Variants in DSCAM observed in about 807,000 individuals in gnomAD.
The protein encoded by DSCAM is DS cell adhesion molecule, also known as cell adhesion molecule DSCAM.
A neutral mutation model predicts 217.7 loss-of-function variants in DSCAM; 47 were observed. That is an observed-to-expected ratio of 0.22 (90% confidence interval 0.17 to 0.28). The LOEUF (loss-of-function observed/expected upper bound fraction) is 0.28. DSCAM is among the 10% of genes least tolerant of loss of function. The pLI is 1.00. For synonymous variants in DSCAM, 1,056 were observed against 1,015.3 expected (o/e 1.04, Z -0.76); for missense variants, 2,080 against 2,618.3 (o/e 0.79, Z 4.49).
intron 1 of DSCAM, among the ~76,000 whole-genome samples, chr21:40,799,774 A>G (rs1417160776): frequency 6.6e-6 from 1 of 152,084 alleles, no homozygotes; most frequent in Non-Finnish European, 1.5e-5. Flanking sequence ...GATTCTTGTG[A>G]TTACATTAGG....
At chr21:40,842,615 A>T (rs1036169384) in intron 1 of DSCAM, among the ~76,000 whole-genome samples, 5 of 152,138 alleles carry the variant, frequency 3.3e-5, no homozygotes, top group Non-Finnish European at 7.3e-5. Context: ...TTTAATACGC[A>T]TTGAATTGAG....
intron 3 of DSCAM, among the ~76,000 whole-genome samples, chr21:40,538,661 GT>G (rs1277127692): frequency 6.6e-6 from 1 of 151,684 alleles, no homozygotes; most frequent in Non-Finnish European, 1.5e-5. Flanking sequence ...GTTGTGTTTT[GT>G]TTTTCTTTCC....
intron 2 of DSCAM, among the ~76,000 whole-genome samples, chr21:40,694,712 G>C (rs1023744304): frequency 5.3e-5 from 8 of 151,808 alleles, no homozygotes; most frequent in African/African-American, 1.9e-4. Flanking sequence ...CCTGCAGGAG[G>C]TCCACTAGGC....
At chr21:40,169,616 C>T (rs1296152789) in intron 15 of DSCAM, among the ~76,000 whole-genome samples, 2 of 152,034 alleles carry the variant, frequency 1.3e-5, no homozygotes, top group South Asian at 2.1e-4. Context: ...GAAACGAAGC[C>T]GATTCTCCAG....
intron 2 of DSCAM, among the ~76,000 whole-genome samples, chr21:40,706,727 A>C (rs1446335666): frequency 6.6e-6 from 1 of 152,236 alleles, no homozygotes; most frequent in Admixed American, 6.5e-5. Flanking sequence ...TCATATTTAC[A>C]TAAACAGGAT....
At chr21:40,025,199 C>A (rs1417946831) in intron 32 of DSCAM, among the ~76,000 whole-genome samples, 1 of 88,126 alleles carries the variant, frequency 1.1e-5, no homozygotes. Flanking sequence ...ATTGAACCAG[C>A]CTTGCATCCC....
In DSCAM at chr21:40,602,402, T is replaced by G. The variant is rs186361865; in HGVS notation, c.508+90408A>C. 9.9e-5 allele frequency among the ~76,000 whole-genome samples: 15 copies of G among 152,088 alleles called. No individual in the cohort carries two copies. The East Asian group carries it at 2.9e-3, about 29-fold the overall frequency. The stretch of plus-strand genomic sequence containing the variant: ...AAGAGATTGCAAAGAATTGGTATCA[T>G]TTTTTTTCTTTAAGAGTTGGTAGAT... On this transcript the variant is annotated intron_variant, in intron 3 of 32. Coordinates refer to ENST00000400454, the MANE Select transcript of DSCAM (RefSeq NM_001389.5).
intron 3 of DSCAM, among the ~76,000 whole-genome samples, chr21:40,375,369 G>T (rs540409436): frequency 6.6e-6 from 1 of 152,240 alleles, no homozygotes; most frequent in Non-Finnish European, 1.5e-5. Context: ...GTCTATGATA[G>T]TTTGGGCTTT....
intron 11 of DSCAM, among the ~76,000 whole-genome samples, chr21:40,241,372 C>T (rs560787226): frequency 1.3e-5 from 2 of 152,102 alleles, no homozygotes; most frequent in East Asian, 3.9e-4. Flanking sequence ...ATGTAGCCAA[C>T]AAATATATGA....
chr21:40,615,255 C>T (rs1304809242), intron 3 of DSCAM: 6 of 129,516 alleles, frequency 4.6e-5, no homozygotes, highest in Non-Finnish European at 7.8e-5. Flanking sequence ...GCACTCCAGT[C>T]TGGGCGACAG....
At chr21:40,442,196 T>A (rs1601647107) in intron 3 of DSCAM, among the ~76,000 whole-genome samples, 1 of 152,136 alleles carries the variant, frequency 6.6e-6, no homozygotes, top group East Asian at 1.9e-4. Flanking sequence ...TATAAAATGT[T>A]AGGCACTGCA....
At chr21:40,781,350 T>C (rs1303158791) in intron 1 of DSCAM, among the ~76,000 whole-genome samples, 2 of 152,120 alleles carry the variant, frequency 1.3e-5, no homozygotes, top group Non-Finnish European at 2.9e-5. Context: ...TTATCATGTG[T>C]TTACTTTCCA....
At chr21:40,149,054 ACCAT>A (rs895109936) in intron 16 of DSCAM, among the ~76,000 whole-genome samples, 6 of 152,028 alleles carry the variant, frequency 3.9e-5, no homozygotes, top group African/African-American at 1.5e-4. Flanking sequence ...TATCACCACC[ACCAT>A]CCATCACTCA....
intron 6 of DSCAM, among the ~76,000 whole-genome samples, chr21:40,340,792 G>A (rs888816855): frequency 4.4e-4 from 67 of 152,180 alleles, no homozygotes; most frequent in African/African-American, 1.6e-3. Flanking sequence ...AAAGAAAGGA[G>A]GCAAGCAAAA....
chr21:40,638,890 T>G (rs1204196385), intron 3 of DSCAM, among the ~76,000 whole-genome samples: 1 of 144,172 alleles, frequency 6.9e-6, no homozygotes, highest in South Asian at 2.3e-4. Context: ...TGGGTATTTT[T>G]AAAAATAGAA....
intron 3 of DSCAM, among the ~76,000 whole-genome samples, chr21:40,515,036 G>A (rs1313215083): frequency 2.6e-5 from 4 of 152,156 alleles, no homozygotes; most frequent in Non-Finnish European, 4.4e-5. Context: ...AACTGGCACT[G>A]CTTAAAAATA....
At chr21:40,774,816 AGATTCAACAAAGATCT>A (rs1283002362) in intron 1 of DSCAM, among the ~76,000 whole-genome samples, 1 of 151,970 alleles carries the variant, frequency 6.6e-6, no homozygotes, top group Non-Finnish European at 1.5e-5. Context: ...ATCATGGAAC[AGATTCAACAAAGATCT>A]CCTGAATATC....
At chr21:40,808,226 G>A (rs2091805351) in intron 1 of DSCAM, among the ~76,000 whole-genome samples, 1 of 152,138 alleles carries the variant, frequency 6.6e-6, no homozygotes, top group Non-Finnish European at 1.5e-5. Context: ...CACTGTCCTT[G>A]TATCAGTCAA....
intron 11 of DSCAM, among the ~76,000 whole-genome samples, chr21:40,214,024 A>G (rs1272354999): frequency 6.6e-6 from 1 of 152,230 alleles, no homozygotes; most frequent in African/African-American, 2.4e-5. Context: ...TTGCCCCCAT[A>G]GAGCTTCCTT....
Sources: allele counts gnomAD v4.1 joint callset (sites outside exome capture counted in the v4.1 genomes callset), GRCh38; gene constraint gnomAD v4.1.1; transcripts MANE v1.5; gene names NCBI Gene and HGNC (gene_info 2026-07-23, HGNC 2026-07-21).